Variants in LAMA3 observed in about 807,000 individuals in gnomAD.
The protein encoded by LAMA3 is laminin subunit alpha-3.
LAMA3 carries 281 observed loss-of-function variants against 402.0 expected under a neutral mutation model. The ratio of observed to expected loss-of-function variants is 0.70; its 90% CI spans 0.63 to 0.77. LAMA3 has a LOEUF of 0.77. Among genes scored for constraint, LAMA3 ranks in the 30% least tolerant of loss-of-function variants. LAMA3 has a pLI of 0.00. For synonymous variants in LAMA3, 1,431 were observed against 1,558.4 expected (o/e 0.92, Z 1.93); for missense variants, 3,840 against 4,215.5 (o/e 0.91, Z 2.47).
At position 23,717,719 on chromosome 18, in the gene LAMA3, A is replaced by ATTTTTTTTTTTTTTTT. The variant is rs1568109215; in HGVS notation, c.447+3647_447+3648insTTTTTTTTTTTTTTTT. On this transcript the variant is annotated intron_variant, in intron 2 of 74. Coordinates refer to ENST00000313654, the MANE Select transcript of LAMA3 (RefSeq NM_198129.4). ...AGGTGCCCACCACCATGCCTGGCTA[A>ATTTTTTTTTTTTTTTT]ATTTTTTTTTTTTTTTTTTTTTTTT... Among the ~76,000 whole-genome samples the ATTTTTTTTTTTTTTTT allele has an allele frequency of 3.4e-5, 4 of 116,806 alleles. 2 individuals are homozygous for ATTTTTTTTTTTTTTTT. The allele number at this position is 116,806 out of a possible 152,430, so 76.6% of individuals were successfully genotyped here.
intron 12 of LAMA3, among the ~76,000 whole-genome samples, chr18:23,803,944 G>A (rs2062913367): frequency 6.6e-6 from 1 of 152,140 alleles, no homozygotes; most frequent in Non-Finnish European, 1.5e-5. Flanking sequence ...TTGTGTAGAG[G>A]CTGCTTGGAT....
intron 39 of LAMA3, among the ~76,000 whole-genome samples, chr18:23,880,460 C>A (rs1241440214): frequency 6.6e-6 from 1 of 152,204 alleles, no homozygotes; most frequent in African/African-American, 2.4e-5. Flanking sequence ...TGGATTTGCT[C>A]AATCTGGACA....
rs551958601 is a variant in LAMA3, at chr18:23,816,814, C to A, written c.2147+327C>A. On this transcript the variant is annotated intron_variant, in intron 18 of 74. Coordinates refer to ENST00000313654, the MANE Select transcript of LAMA3 (RefSeq NM_198129.4). ...CTCAACTTCCATGTGCAAGTTGGAG[C>A]AGGAGGAGCCCACAGATAGGCCCGC... Among the ~76,000 whole-genome samples, 7 of 152,194 alleles carry A rather than the reference C, an allele frequency of 4.6e-5. No homozygotes were observed. In the South Asian group the frequency reaches 1.2e-3, roughly 27 times the overall value.
chr18:23,803,335 G>C (rs1423304188), intron 12 of LAMA3, among the ~76,000 whole-genome samples: 1 of 152,158 alleles, frequency 6.6e-6, no homozygotes, highest in East Asian at 1.9e-4. Context: ...CTCAGCTGTG[G>C]TGAGTGGAAG....
Position 23,847,561 on chromosome 18 carries a change from C to T in LAMA3, c.4029C>T (p.His1343=), listed in dbSNP as rs748341594. The T allele has an allele frequency of 4.3e-6, 7 of 1,614,114 alleles. No homozygotes were observed. Among genetic ancestry groups the T allele is most frequent in the Admixed American group, 1.7e-5 (1 of 60,032 alleles). ...CCCAGTGTGAGGTGTGTGAGACACA[C>T]TCATTCAGCTTCCACCCCATGGCCG... ...VRPQCEVCET[H]SFSFHPMAGC... Residue 1343 remains histidine (H), a synonymous_variant, in exon 32 of 75, where the codon CAC becomes CAT. Transcript: ENST00000313654.
chr18:23,860,810 C>T (rs1485290895), intron 34 of LAMA3, among the ~76,000 whole-genome samples: 1 of 150,638 alleles, frequency 6.6e-6, no homozygotes, highest in Non-Finnish European at 1.5e-5. Context: ...TCTTCTGCCT[C>T]AGGCTCCTGA....
rs564252219 is a variant in LAMA3 at position 23,918,833 on chromosome 18, G to C, written c.7924-2102G>C. Among the ~76,000 whole-genome samples the C allele has an allele frequency of 8.1e-4, 123 of 152,254 alleles. 1 individual carries two copies. The highest frequency in any genetic ancestry group is 1.7e-3 in the Admixed American group (26 of 15,302). ...GATTTTACCAGAGTCTTCTACCGCA[G>C]GGTGGTGACACTGACCCGGTCCAAC... On this transcript the variant is annotated intron_variant, in intron 60 of 74. Coordinates refer to ENST00000313654, the MANE Select transcript of LAMA3 (RefSeq NM_198129.4). This position sits in a 1 kb window ranked among gnomAD's most constrained non-coding sequence, Gnocchi z 4.1.
chr18:23,777,705 A>G (rs1317727058), intron 11 of LAMA3, 86 bp downstream of exon 11: 1 of 1,015,046 alleles, frequency 9.9e-7, no homozygotes, highest in Admixed American at 1.7e-5. Flanking sequence ...TGCCACATCC[A>G]AGGCCAAGTC....
At chr18:23,769,008 G>A (rs1045480588) in intron 8 of LAMA3, among the ~76,000 whole-genome samples, 3 of 152,182 alleles carry the variant, frequency 2.0e-5, no homozygotes, top group Admixed American at 6.5e-5. Flanking sequence ...GAAGAAGGGC[G>A]ACAAGGGTCG....
In LAMA3 at chr18:23,814,621, A is replaced by G. The variant is rs531915890; in HGVS notation, c.1888+119A>G. 13 of 729,980 alleles carry G rather than the reference A, an allele frequency of 1.8e-5. No individual in the cohort carries two copies. The Middle Eastern group carries it at 1.8e-3, about 100-fold the overall frequency. 45.2% of individuals were successfully genotyped at this position (729,980 alleles called of 1,614,324 possible). ...AATCACTTCAATTTGACAAGATTCT[A>G]TGTAATGTTCTGATGTTTTCCCCCC... is the stretch of plus-strand genomic sequence containing the variant. On this transcript the variant is annotated intron_variant, in intron 15 of 74. Transcript: ENST00000313654.
chr18:23,935,763 A>G (rs982962685), intron 67 of LAMA3, among the ~76,000 whole-genome samples: 2 of 152,172 alleles, frequency 1.3e-5, no homozygotes, highest in African/African-American at 4.8e-5. Flanking sequence ...TATGCATTAA[A>G]TGCTAGTTAT....
intron 2 of LAMA3, among the ~76,000 whole-genome samples, chr18:23,734,019 A>G (rs1425317534): frequency 6.6e-6 from 1 of 152,224 alleles, no homozygotes; most frequent in Non-Finnish European, 1.5e-5. Flanking sequence ...TTTTCCCTGC[A>G]TCAGGGATTC....
intron 2 of LAMA3, among the ~76,000 whole-genome samples, chr18:23,736,889 C>G (rs2061484584): frequency 6.6e-6 from 1 of 152,156 alleles, no homozygotes; most frequent in South Asian, 2.1e-4. Context: ...TCCCTTACTC[C>G]AGCCCAGAGG....
chr18:23,856,536 A>G (rs2064083395), intron 32 of LAMA3, among the ~76,000 whole-genome samples: 1 of 152,054 alleles, frequency 6.6e-6, no homozygotes, highest in African/African-American at 2.4e-5. Flanking sequence ...TCCAACCTCG[A>G]GTTCTGGGTT....
intron 1 of LAMA3, among the ~76,000 whole-genome samples, chr18:23,711,987 T>C (rs2145901198): frequency 6.6e-6 from 1 of 152,306 alleles, no homozygotes; most frequent in South Asian, 2.1e-4. Context: ...TTAAATTCCC[T>C]CATCAAATAA....
chr18:23,747,815 A>G, intron 2 of LAMA3, 128 bp from the exon 3 acceptor site: 2 of 716,930 alleles, frequency 2.8e-6, no homozygotes, highest in South Asian at 2.9e-5. Flanking sequence ...GACAGGAATC[A>G]GGATCGGGAT....
intron 2 of LAMA3, among the ~76,000 whole-genome samples, chr18:23,730,839 A>G (rs1439199235): frequency 2.6e-5 from 4 of 152,166 alleles, no homozygotes; most frequent in African/African-American, 4.8e-5. Context: ...AAAAATTTGT[A>G]TATTCATACA....
chr18:23,867,255 G>T (rs569512273), intron 36 of LAMA3, among the ~76,000 whole-genome samples: 56 of 152,240 alleles, frequency 3.7e-4, no homozygotes, highest in Middle Eastern at 3.4e-3. Context: ...GCAAGGCATA[G>T]TTTAAAAAAT....
intron 2 of LAMA3, among the ~76,000 whole-genome samples, chr18:23,732,725 T>C (rs530116545): frequency 8.5e-4 from 129 of 152,230 alleles, no homozygotes; most frequent in African/African-American, 3.0e-3. Flanking sequence ...ATCCTTGCTT[T>C]GTTACCTACT....
Sources: allele counts gnomAD v4.1 joint callset (sites outside exome capture counted in the v4.1 genomes callset), GRCh38; gene constraint gnomAD v4.1.1; non-coding constraint Gnocchi (gnomAD v3.1); transcripts MANE v1.5; gene names NCBI Gene and HGNC (gene_info 2026-07-23, HGNC 2026-07-21).